NOL4: variants seen among roughly 807,000 people sequenced by gnomAD.
NOL4 encodes the protein nucleolar protein 4.
A neutral mutation model predicts 75.9 loss-of-function variants in NOL4; 17 were observed. That is an observed-to-expected ratio of 0.22 (90% CI 0.15 to 0.34). The LOEUF (loss-of-function observed/expected upper bound fraction) is 0.34, where lower values mean the gene tolerates loss of function less well. Among genes scored for constraint, NOL4 ranks in the 10% least tolerant of loss-of-function variants. The pLI is 1.00. For synonymous variants in NOL4, 292 were observed against 289.9 expected (o/e 1.01, Z -0.07); for missense variants, 614 against 793.5 (o/e 0.77, Z 2.72).
chr18:33,871,742 T>G (rs976438234), intron 10 of NOL4, among the ~76,000 whole-genome samples: 1 of 151,948 alleles, frequency 6.6e-6, no homozygotes, highest in Non-Finnish European at 1.5e-5. Flanking sequence ...TACTGTACAG[T>G]TAGAGAACAG....
chr18:33,969,771 A>T (rs1470340364), intron 6 of NOL4, among the ~76,000 whole-genome samples: 1 of 151,894 alleles, frequency 6.6e-6, no homozygotes, highest in Non-Finnish European at 1.5e-5. Flanking sequence ...AAAAAAAAAA[A>T]AAGATCAAAT....
intron 10 of NOL4, among the ~76,000 whole-genome samples, chr18:33,856,502 A>T (rs1324525800): frequency 3.3e-5 from 5 of 152,060 alleles, no homozygotes; most frequent in Non-Finnish European, 7.4e-5. Flanking sequence ...AAATATTACC[A>T]TGAGTCCTGA....
At chr18:34,037,523 G>C (rs1339082050) in intron 5 of NOL4, among the ~76,000 whole-genome samples, 1 of 151,938 alleles carries the variant, frequency 6.6e-6, no homozygotes, top group Non-Finnish European at 1.5e-5. Flanking sequence ...ATATTACAAG[G>C]CAATAGTAAC....
intron 9 of NOL4, among the ~76,000 whole-genome samples, chr18:33,910,804 T>C (rs1315828830): frequency 6.6e-6 from 1 of 152,126 alleles, no homozygotes; most frequent in Non-Finnish European, 1.5e-5. Context: ...CCATTACTAC[T>C]AGTTCTTCCC....
rs147877524 is a variant in NOL4 at position 33,923,787 on chromosome 18, G to A, written c.1542+19278C>T. Among the ~76,000 whole-genome samples the A allele has an allele frequency of 4.0e-3, 614 of 152,226 alleles. 3 individuals carry two copies. The highest frequency in any genetic ancestry group is 0.014 in the African/African-American group (588 of 41,550). On this transcript the variant is annotated intron_variant, in intron 9 of 10. Transcript: ENST00000261592. ...AATAAGAACAAAAATTATTTACTAA[G>A]TATAGACAAAGTACATATAGTTTTT...
intron 10 of NOL4, among the ~76,000 whole-genome samples, chr18:33,880,894 G>A (rs2064225739): frequency 6.6e-6 from 1 of 151,956 alleles, no homozygotes; most frequent in South Asian, 2.1e-4. Context: ...CAACAAAAGC[G>A]GGAGACACCC....
At chr18:33,934,656 T>C (rs1019311337) in intron 9 of NOL4, among the ~76,000 whole-genome samples, 1 of 152,176 alleles carries the variant, frequency 6.6e-6, no homozygotes, top group African/African-American at 2.4e-5. Flanking sequence ...ATCTCTGCTG[T>C]AATAGCTTCT....
intron 5 of NOL4, among the ~76,000 whole-genome samples, chr18:34,062,320 A>C (rs2077096627): frequency 6.6e-6 from 1 of 152,124 alleles, no homozygotes; most frequent in African/African-American, 2.4e-5. Flanking sequence ...ATTTGGTAGA[A>C]GAGACATAAT....
chr18:33,885,763 G>T (rs2144722201), intron 9 of NOL4, among the ~76,000 whole-genome samples: 1 of 152,238 alleles, frequency 6.6e-6, no homozygotes, highest in Admixed American at 6.5e-5. Flanking sequence ...ACAGTTTGGA[G>T]GTTCCTCAAA....
intron 2 of NOL4, among the ~76,000 whole-genome samples, chr18:34,113,690 G>A (rs1412126045): frequency 6.6e-6 from 1 of 151,608 alleles, no homozygotes; most frequent in African/African-American, 2.4e-5. Context: ...CTTAAATTAT[G>A]GTATATTTGA....
chr18:33,869,220 T>C (rs1410911721), intron 10 of NOL4, among the ~76,000 whole-genome samples: 2 of 151,952 alleles, frequency 1.3e-5, no homozygotes, highest in Non-Finnish European at 2.9e-5. Context: ...AAGGTATATA[T>C]TTATAGGACA....
intron 6 of NOL4, among the ~76,000 whole-genome samples, chr18:33,997,896 G>T (rs565773366): frequency 9.2e-5 from 14 of 151,714 alleles, no homozygotes; most frequent in African/African-American, 3.4e-4. Flanking sequence ...AGCAAAATTT[G>T]GTATTGTATA....
At chr18:34,120,388 AT>A (rs1427723885) in intron 2 of NOL4, among the ~76,000 whole-genome samples, 1 of 152,172 alleles carries the variant, frequency 6.6e-6, no homozygotes, top group Non-Finnish European at 1.5e-5. Flanking sequence ...TCTCTATTTC[AT>A]TTTTAAAAGT....
chr18:33,952,649 G>T (rs1273938184), intron 8 of NOL4, among the ~76,000 whole-genome samples: 1 of 152,208 alleles, frequency 6.6e-6, no homozygotes, highest in Admixed American at 6.5e-5. Flanking sequence ...GTTCTGCCAG[G>T]TGTGGTGGCT....
At chr18:34,162,524 C>A (rs969427615) in intron 1 of NOL4, among the ~76,000 whole-genome samples, 25 of 152,250 alleles carry the variant, frequency 1.6e-4, no homozygotes, top group African/African-American at 6.0e-4. Context: ...TACGCCCTCC[C>A]AAGACTAAAC....
chr18:33,966,405 C>G (rs1425791983), intron 6 of NOL4, among the ~76,000 whole-genome samples: 1 of 152,166 alleles, frequency 6.6e-6, no homozygotes, highest in African/African-American at 2.4e-5. Context: ...GTTGCTCACT[C>G]TCATCACTCC....
intron 1 of NOL4, among the ~76,000 whole-genome samples, chr18:34,174,311 A>C (rs113440854): frequency 2.4e-3 from 363 of 152,218 alleles, no homozygotes; most frequent in Non-Finnish European, 4.4e-3. Context: ...TCTTCATAAA[A>C]AATTTTAAAA....
chr18:33,961,494 G>A (rs1246221303), intron 6 of NOL4, among the ~76,000 whole-genome samples: 1 of 152,058 alleles, frequency 6.6e-6, no homozygotes, highest in Non-Finnish European at 1.5e-5. Flanking sequence ...CTCCACCACT[G>A]GCTTTCCTGG....
chr18:33,957,588 TGATTACC>T, intron 7 of NOL4, 71 bp from the exon 8 acceptor site: 1 of 1,187,440 alleles, frequency 8.4e-7, no homozygotes, highest in South Asian at 1.6e-5. Flanking sequence ...CTTCCTGTCT[TGATTACC>T]GATAGGAAAA....
Sources: gnomAD v4.1 joint callset for allele counts (sites outside exome capture counted in the v4.1 genomes callset) on GRCh38, gnomAD v4.1.1 for gene constraint, MANE v1.5 for transcripts, NCBI Gene and HGNC (gene_info 2026-07-23, HGNC 2026-07-21) for gene names.